HS6ST2: variants seen among roughly 807,000 people sequenced by gnomAD.
The protein encoded by HS6ST2 is heparan sulfate 6-O-sulfotransferase 2, also known as heparan-sulfate 6-O-sulfotransferase 2.
A neutral mutation model predicts 33.0 loss-of-function variants in HS6ST2; 17 were observed. The ratio of observed to expected loss-of-function variants is 0.52; its 90% CI spans 0.35 to 0.77. The LOEUF (loss-of-function observed/expected upper bound fraction) is 0.77. HS6ST2 is among the 30% of genes least tolerant of loss of function. The pLI is 0.01. For missense variants in HS6ST2, 519 were observed against 551.7 expected, an observed-to-expected ratio of 0.94 and a Z score of 0.59; for synonymous variants, 248 against 237.1, an observed-to-expected ratio of 1.05 and a Z score of -0.42.
chrX:132,715,345 G>T (rs1271461946), intron 2 of HS6ST2, among the ~76,000 whole-genome samples: 2 of 112,004 alleles, frequency 1.8e-5, no homozygotes, highest in African/African-American at 6.5e-5. Context: ...TGAGGCAGGA[G>T]GAGCGGCTTG....
intron 3 of HS6ST2, among the ~76,000 whole-genome samples, chrX:132,675,532 G>A (rs771590294): frequency 9.0e-6 from 1 of 111,690 alleles, no homozygotes; most frequent in Non-Finnish European, 1.9e-5. Flanking sequence ...TTCATCCCAT[G>A]CCCATAGTCT....
chrX:132,806,809 T>C (rs1223829736), intron 2 of HS6ST2, among the ~76,000 whole-genome samples: 1 of 109,925 alleles, frequency 9.1e-6, no homozygotes, highest in Non-Finnish European at 1.9e-5. Flanking sequence ...GCGGGCCCTG[T>C]CCTAGAGGAA....
chrX:132,858,477 G>C (rs983572306), intron 2 of HS6ST2, among the ~76,000 whole-genome samples: 2 of 111,994 alleles, frequency 1.8e-5, no homozygotes, highest in Non-Finnish European at 3.8e-5. Context: ...AGTACTAGGT[G>C]GTGGGCAAGA....
chrX:132,691,694 C>A (rs2064064899), intron 3 of HS6ST2, among the ~76,000 whole-genome samples: 1 of 112,330 alleles, frequency 8.9e-6, no homozygotes, highest in Admixed American at 9.4e-5. Context: ...ACTTCTAACA[C>A]ATCATTGAAA....
intron 2 of HS6ST2, among the ~76,000 whole-genome samples, chrX:132,903,252 T>C (rs1367462410): frequency 2.7e-5 from 3 of 111,471 alleles, no homozygotes; most frequent in African/African-American, 9.8e-5. Context: ...AGCCTAAAAT[T>C]TATACTCTGA....
intron 3 of HS6ST2, among the ~76,000 whole-genome samples, chrX:132,677,468 A>C (rs887822461): frequency 3.6e-5 from 4 of 112,324 alleles, no homozygotes; most frequent in African/African-American, 6.5e-5. Context: ...ACATCTGTTC[A>C]CAATATCTCT....
intron 3 of HS6ST2, 117 bp from the exon 4 acceptor site, chrX:132,669,316 C>G: frequency 4.5e-6 from 2 of 448,152 alleles, no homozygotes; most frequent in South Asian, 4.1e-5. Flanking sequence ...CCCACCACCC[C>G]CTGGCCAATC....
chrX:132,922,358 A>G (rs2066660747), intron 2 of HS6ST2, among the ~76,000 whole-genome samples: 1 of 112,159 alleles, frequency 8.9e-6, no homozygotes, highest in African/African-American at 3.2e-5. Context: ...GGCTCAACCA[A>G]AAAGGCTTTT....
intron 2 of HS6ST2, among the ~76,000 whole-genome samples, chrX:132,756,647 C>A (rs1051611459): frequency 6.3e-5 from 7 of 110,773 alleles, no homozygotes; most frequent in Admixed American, 3.9e-4. Flanking sequence ...TGAGCTTTCT[C>A]CATCCATCTT....
intron 2 of HS6ST2, among the ~76,000 whole-genome samples, chrX:132,879,413 G>C (rs1214569140): frequency 9.4e-6 from 1 of 106,853 alleles, no homozygotes; most frequent in Non-Finnish European, 1.9e-5. Flanking sequence ...TGTAAATGTA[G>C]AAAGTGTGGC....
intron 2 of HS6ST2, among the ~76,000 whole-genome samples, chrX:132,887,868 A>G (rs1357249095): frequency 8.9e-6 from 1 of 112,243 alleles, no homozygotes. Context: ...ACAAACCCCC[A>G]AAATATTATA....
intron 4 of HS6ST2, among the ~76,000 whole-genome samples, chrX:132,644,229 A>G (rs1249206882): frequency 9.2e-6 from 1 of 108,395 alleles, no homozygotes; most frequent in African/African-American, 3.4e-5. Flanking sequence ...GGAGGGAGGG[A>G]AGGAGGGAAG....
chrX:132,846,073 G>T (rs1235365998), intron 2 of HS6ST2, among the ~76,000 whole-genome samples: 3 of 111,653 alleles, frequency 2.7e-5, no homozygotes, highest in African/African-American at 9.8e-5. Context: ...CCGCCATAAG[G>T]ACAATGAAAT....
intron 3 of HS6ST2, among the ~76,000 whole-genome samples, chrX:132,682,551 G>T (rs970090238): frequency 2.7e-5 from 3 of 111,230 alleles, no homozygotes; most frequent in African/African-American, 9.8e-5. Context: ...GGGGGCAAAA[G>T]AAATGGCTTT....
At chrX:132,879,278 C>T (rs976398127) in intron 2 of HS6ST2, among the ~76,000 whole-genome samples, 1 of 111,364 alleles carries the variant, frequency 9.0e-6, no homozygotes, top group African/African-American at 3.3e-5. Flanking sequence ...CTAAGGTGTG[C>T]TAAGGTGAGC....
upstream of HS6ST2, among the ~76,000 whole-genome samples, chrX:132,960,813 A>G (rs758281293): frequency 2.7e-5 from 3 of 111,981 alleles, no homozygotes; most frequent in South Asian, 7.7e-4. Context: ...TGAATCTCTC[A>G]TACAGGAATT....
Position 132,802,491 on chromosome X carries a change from A to AC in HS6ST2, c.948-93998dup. Among the ~76,000 whole-genome samples the AC allele has an allele frequency of 3.6e-5, 4 of 111,672 alleles. No individual in the cohort carries two copies. The Middle Eastern group carries it at 0.019, about 517-fold the overall frequency. ...ATGAAGGGGACACTGTAAAGTAGTAACACTTTTCCAGGAAAATACATCTTC... is the reference window on the plus strand; with the variant it reads ...ATGAAGGGGACACTGTAAAGTAGTAACCACTTTTCCAGGAAAATACATCTTC... On this transcript the variant is annotated intron_variant, in intron 2 of 4. Coordinates refer to ENST00000370833, the MANE Select transcript of HS6ST2 (RefSeq NM_001394073.1).
chrX:132,635,417 CT>C (rs1192954025), intron 4 of HS6ST2, among the ~76,000 whole-genome samples: 1 of 111,621 alleles, frequency 9.0e-6, no homozygotes, highest in African/African-American at 3.3e-5. Context: ...CATACCTGAC[CT>C]GTCATTCCCT....
chrX:132,958,610 T>G lies in HS6ST2; in HGVS notation c.-8A>C. ...ACACGCAGGCAGTGCCATTCCCCCC[T>G]TCAGGCAACTCAGGGTACTAAGGAT... On this transcript the variant is annotated 5_prime_UTR_variant, in exon 1 of 5. Transcript: ENST00000370833. The G allele has an allele frequency of 1.7e-6, 2 of 1,159,000 alleles. No individual in the cohort carries two copies. Among genetic ancestry groups the G allele is most frequent in the Non-Finnish European group, 2.3e-6 (2 of 866,924 alleles).
Sources: gnomAD v4.1 joint callset for allele counts (sites outside exome capture counted in the v4.1 genomes callset) on GRCh38, gnomAD v4.1.1 for gene constraint, MANE v1.5 for transcripts, NCBI Gene and HGNC (gene_info 2026-07-23, HGNC 2026-07-21) for gene names.